Variants in SLC39A14 observed in about 807,000 individuals in gnomAD.
SLC39A14 encodes solute carrier family 39 member 14.
In SLC39A14, 19 loss-of-function variants were observed where a neutral mutation model predicts 45.5. The ratio of observed to expected loss-of-function variants is 0.42; its 90% CI spans 0.29 to 0.61. The LOEUF (loss-of-function observed/expected upper bound fraction) is 0.61. Among genes scored for constraint, SLC39A14 ranks in the 20% least tolerant of loss-of-function variants. SLC39A14 has a pLI of 0.22. For synonymous variants in SLC39A14, 264 were observed against 251.3 expected (o/e 1.05, Z -0.48); for missense variants, 447 against 616.5 (o/e 0.73, Z 2.91).
chr8:22,368,484 CTCTTT>C (rs1258492778), intron 1 of SLC39A14, among the ~76,000 whole-genome samples: 2 of 148,820 alleles, frequency 1.3e-5, no homozygotes, highest in South Asian at 2.1e-4. Flanking sequence ...TAATCCTTCC[CTCTTT>C]TATTTTATTT....
intron 1 of SLC39A14, among the ~76,000 whole-genome samples, chr8:22,369,465 G>A (rs942318086): frequency 2.0e-5 from 3 of 152,228 alleles, no homozygotes; most frequent in African/African-American, 7.2e-5. Context: ...ACATTGCCTG[G>A]TCTGTGCTGG....
chr8:22,432,645 A>ATT (rs35981745), intron 8 of SLC39A14, among the ~76,000 whole-genome samples: 3 of 114,068 alleles, frequency 2.6e-5, no homozygotes, highest in South Asian at 2.9e-4. Flanking sequence ...TGCCCGGCTA[A>ATT]TTTTTTTTTT....
Position 22,421,210 on chromosome 8 carries a change from C to A in SLC39A14, c.*1512C>A. On this transcript the variant is annotated 3_prime_UTR_variant, in exon 9 of 9. Transcript: ENST00000381237. ...CAAACTGATTCATGTGCATGGCTGA[C>A]AGGAGTACTGGTTCACTACCAATGC... 1 of 985,806 alleles carries A rather than the reference C, an allele frequency of 1.0e-6. No individual in the cohort carries two copies. The highest frequency in any genetic ancestry group is 1.7e-5 in the African/African-American group (1 of 57,342). The allele number at this position is 985,806 out of a possible 1,614,324, so 61.1% of individuals were successfully genotyped here. A position where few individuals can be genotyped will look rare whatever the true frequency, so the allele number is the denominator to read the frequency against.
intron 3 of SLC39A14, among the ~76,000 whole-genome samples, chr8:22,411,102 C>T (rs187480621): frequency 1.3e-5 from 2 of 152,298 alleles, no homozygotes; most frequent in East Asian, 1.9e-4. Context: ...GAGGCCTCAA[C>T]TTGGGCTATT....
At chr8:22,392,908 C>T (rs1343279243) in intron 1 of SLC39A14, 2 of 152,346 alleles carry the variant, frequency 1.3e-5, no homozygotes, top group Non-Finnish European at 2.9e-5. Context: ...CCCTGACCAC[C>T]CGTCTCTGCC....
intron 1 of SLC39A14, among the ~76,000 whole-genome samples, chr8:22,389,003 G>A (rs185917626): frequency 2.6e-5 from 4 of 152,196 alleles, no homozygotes; most frequent in African/African-American, 7.2e-5. Context: ...CGCCCTGGTC[G>A]TGCCCTCTTG....
At chr8:22,401,537 CTCTT>C (rs940231975) in intron 1 of SLC39A14, among the ~76,000 whole-genome samples, 15 of 125,402 alleles carry the variant, frequency 1.2e-4, no homozygotes, top group Admixed American at 4.1e-4. Context: ...TCTTTCTCTT[CTCTT>C]TCTTTTTTTT....
At chr8:22,425,889 G>GTTTTTTTTTTT (rs549782856), downstream of SLC39A14, among the ~76,000 whole-genome samples, 11 of 76,298 alleles carry the variant, frequency 1.4e-4, no homozygotes, top group East Asian at 1.7e-3. Context: ...GATGGTTTTT[G>GTTTTTTTTTTT]TTTTTTTTTT....
At chr8:22,401,721 A>G (rs941704543) in intron 1 of SLC39A14, among the ~76,000 whole-genome samples, 13 of 151,804 alleles carry the variant, frequency 8.6e-5, no homozygotes, top group Admixed American at 1.3e-4. Flanking sequence ...TTTTTACTAC[A>G]GACGGGGTTT....
chr8:22,395,488 T>A (rs761814729), intron 1 of SLC39A14, among the ~76,000 whole-genome samples: 2 of 152,256 alleles, frequency 1.3e-5, no homozygotes, highest in Non-Finnish European at 2.9e-5. Context: ...GGAGTTAATT[T>A]ATATCCTGCT....
intron 1 of SLC39A14, among the ~76,000 whole-genome samples, chr8:22,370,614 A>G (rs1261044195): frequency 1.3e-5 from 2 of 152,210 alleles, no homozygotes; most frequent in Non-Finnish European, 2.9e-5. Context: ...GAGAAGACCA[A>G]AGAAGGGTTC....
chr8:22,393,246 C>A (rs1225094513), intron 1 of SLC39A14: 34 of 985,494 alleles, frequency 3.5e-5, no homozygotes, highest in Non-Finnish European at 4.1e-5. Context: ...TGGAGGAGAG[C>A]AGTAGGTGGG....
rs546352973 is a variant in SLC39A14 at position 22,422,253 on chromosome 8, G to A, written c.*2555G>A. The A allele has an allele frequency of 2.0e-6, 2 of 985,576 alleles. No homozygotes were observed. Among genetic ancestry groups the A allele is most frequent in the East Asian group, 1.1e-4 (1 of 8,820 alleles). 61.1% of individuals were successfully genotyped at this position (985,576 alleles called of 1,614,324 possible). A position where few individuals can be genotyped will look rare whatever the true frequency, so the allele number is the denominator to read the frequency against. On this transcript the variant is annotated 3_prime_UTR_variant, in exon 9 of 9. Coordinates refer to ENST00000381237, the MANE Select transcript of SLC39A14 (RefSeq NM_001128431.4). ...AAAGTGTATGTCACGTGCAGGAACA[G>A]TGAGGCAGGGACAGGGGTTCTGCTC... is the stretch of plus-strand genomic sequence containing the variant.
At chr8:22,425,900 G>GTTTT (rs201657706), downstream of SLC39A14, among the ~76,000 whole-genome samples, 18 of 91,042 alleles carry the variant, frequency 2.0e-4, no homozygotes, top group South Asian at 1.7e-3. Context: ...TTTTTTTTTT[G>GTTTT]TTTTTTTTTG....
At chr8:22,383,482 A>G (rs1413628100) in intron 1 of SLC39A14, among the ~76,000 whole-genome samples, 1 of 152,140 alleles carries the variant, frequency 6.6e-6, no homozygotes, top group Non-Finnish European at 1.5e-5. Context: ...TGGGGTGTTT[A>G]TCTTGTTATT....
intron 1 of SLC39A14, among the ~76,000 whole-genome samples, chr8:22,396,268 G>C (rs1397360505): frequency 6.6e-6 from 1 of 151,446 alleles, no homozygotes; most frequent in Non-Finnish European, 1.5e-5. Flanking sequence ...TCAGGAGGCC[G>C]AGGCAGGAGA....
intron 1 of SLC39A14, among the ~76,000 whole-genome samples, chr8:22,396,204 T>C (rs1013932707): frequency 3.3e-5 from 5 of 151,484 alleles, no homozygotes; most frequent in African/African-American, 1.2e-4. Context: ...CTGTCTCTAC[T>C]AAAAATACAA....
At chr8:22,394,561 C>T (rs966107244) in intron 1 of SLC39A14, among the ~76,000 whole-genome samples, 22 of 152,016 alleles carry the variant, frequency 1.4e-4, no homozygotes, top group African/African-American at 3.4e-4. Context: ...CCTTGTGATC[C>T]GCCCGCCTCG....
At chr8:22,371,576 G>C (rs181365815) in intron 1 of SLC39A14, among the ~76,000 whole-genome samples, 5 of 150,882 alleles carry the variant, frequency 3.3e-5, no homozygotes, top group African/African-American at 1.2e-4. Context: ...GTGATCACAG[G>C]TGCCTGCCAT....
Sources: allele counts gnomAD v4.1 joint callset (sites outside exome capture counted in the v4.1 genomes callset), GRCh38; gene constraint gnomAD v4.1.1; transcripts MANE v1.5; gene names NCBI Gene and HGNC (gene_info 2026-07-23, HGNC 2026-07-21).